The following INSR variants were observed in gnomAD, a reference collection of about 807,000 sequenced individuals.
The protein encoded by INSR is IR.
INSR carries 67 observed loss-of-function variants against 142.6 expected under a neutral mutation model. The observed-to-expected ratio is 0.47, with a 90% CI of 0.39 to 0.58. The LOEUF (loss-of-function observed/expected upper bound fraction) is 0.58, where lower values mean the gene tolerates loss of function less well. Ranked by LOEUF, INSR falls within the 20% of genes least tolerant of loss-of-function variation. The probability of loss-of-function intolerance (pLI) is 0.00; values close to 1 mark genes in which losing one functional copy is unlikely to be tolerated. For missense variants in INSR, 1,248 were observed against 1,833.2 expected, an observed-to-expected ratio of 0.68 and a Z score of 5.83; for synonymous variants, 756 against 743.1, an observed-to-expected ratio of 1.02 and a Z score of -0.28.
At chr19:7,141,103 T>C (rs1014459221) in intron 13 of INSR, among the ~76,000 whole-genome samples, 4 of 152,138 alleles carry the variant, frequency 2.6e-5, no homozygotes, top group African/African-American at 9.7e-5. Context: ...AGCGCAATGG[T>C]GCAATCTCTG....
At chr19:7,207,581 C>CA (rs59695609) in intron 2 of INSR, among the ~76,000 whole-genome samples, 58,605 of 150,524 alleles carry the variant, frequency 0.39, 11,486 homozygotes, top group East Asian at 0.44. Context: ...GCAACCATCT[C>CA]AAAAAACAAC....
At chr19:7,175,207 T>C (rs951449314) in intron 3 of INSR, among the ~76,000 whole-genome samples, 1 of 152,042 alleles carries the variant, frequency 6.6e-6, no homozygotes, top group African/African-American at 2.4e-5. Flanking sequence ...ACATATCGCT[T>C]GATTGTTAAA....
At chr19:7,244,701 G>A (rs1976476045) in intron 2 of INSR, among the ~76,000 whole-genome samples, 1 of 152,018 alleles carries the variant, frequency 6.6e-6, no homozygotes, top group African/African-American at 2.4e-5. Context: ...AGACATTTCT[G>A]TTACATTAAG....
intron 9 of INSR, among the ~76,000 whole-genome samples, chr19:7,161,297 T>C (rs112394669): frequency 0.12 from 17,591 of 151,846 alleles, 1,251 homozygotes; most frequent in Non-Finnish European, 0.17. Context: ...TCTCGCTCTG[T>C]CACCCAGGCT....
At chr19:7,127,519 C>CATTAT (rs1028439153) in intron 15 of INSR, among the ~76,000 whole-genome samples, 1 of 152,164 alleles carries the variant, frequency 6.6e-6, no homozygotes, top group Non-Finnish European at 1.5e-5. Flanking sequence ...AGGTTATTTA[C>CATTAT]ATTATATCAT....
intron 2 of INSR, among the ~76,000 whole-genome samples, chr19:7,245,587 TA>T (rs1568214783): frequency 6.6e-6 from 1 of 152,154 alleles, no homozygotes; most frequent in East Asian, 1.9e-4. Context: ...TAGCTGGGAC[TA>T]CAGGCATGTG....
chr19:7,221,343 G>A (rs974497678), intron 2 of INSR, among the ~76,000 whole-genome samples: 5 of 149,076 alleles, frequency 3.4e-5, no homozygotes, highest in Admixed American at 6.8e-5. Context: ...CACTGCACTC[G>A]AGCCTGGGCA....
intron 8 of INSR, among the ~76,000 whole-genome samples, chr19:7,164,931 C>A (rs1277074272): frequency 6.6e-6 from 1 of 151,096 alleles, no homozygotes; most frequent in Non-Finnish European, 1.5e-5. Flanking sequence ...GAGATTGAGA[C>A]CATCCTGGCC....
rs183515885 is a variant in INSR at position 7,253,440 on chromosome 19, G to A, written c.652+13905C>T. Among the ~76,000 whole-genome samples, 45 of 151,654 alleles carry A rather than the reference G, an allele frequency of 3.0e-4. No homozygotes were observed. The East Asian group carries it at 8.2e-3, about 28-fold the overall frequency. On this transcript the variant is annotated intron_variant, in intron 2 of 21. Transcript: ENST00000302850. The stretch of plus-strand genomic sequence containing the variant: ...TTTAGTAGAGACGGGGTTTCACCAC[G>A]TTGGCCAGGCTGGTCTCGAACTCCT...
rs1555693269 is a variant in INSR at position 7,292,477 on chromosome 19, G to GGGC, written c.100+1314_100+1315insGCC. ...GGCACCTGGGGGCGGGGCTGGGGGG[G>GGGC]GGTGGGCCCGGGGCTTTTAGACATT... On this transcript the variant is annotated intron_variant, in intron 1 of 21. Coordinates refer to ENST00000302850, the MANE Select transcript of INSR (RefSeq NM_000208.4). 1.3e-4 allele frequency among the ~76,000 whole-genome samples: 19 copies of GGGC among 150,030 alleles called. 1 individual carries two copies. Among genetic ancestry groups the GGGC allele is most frequent in the African/African-American group, 2.4e-4 (10 of 41,106 alleles).
Position 7,150,382 on chromosome 19 carries a change from G to C in INSR, c.2267+115C>G. The C allele has an allele frequency of 4.6e-6, 4 of 878,142 alleles. No homozygotes were observed. The highest frequency in any genetic ancestry group is 7.5e-6 in the Non-Finnish European group (4 of 534,614). The allele number at this position is 878,142 out of a possible 1,614,324, so 54.4% of individuals were successfully genotyped here. A position where few individuals can be genotyped will look rare whatever the true frequency, so the allele number is the denominator to read the frequency against. On this transcript the variant is annotated intron_variant, in intron 11 of 21. Coordinates refer to ENST00000302850, the MANE Select transcript of INSR (RefSeq NM_000208.4). This position sits in a 1 kb window ranked among gnomAD's most constrained non-coding sequence, Gnocchi z 4.2. ...GGTGAAGCATCTGCTCTCCAGCACA[G>C]CTGCCCGCCGCATGCAAAAAGCCAC... is the stretch of plus-strand genomic sequence containing the variant.
At chr19:7,222,675 G>A (rs534084734) in intron 2 of INSR, among the ~76,000 whole-genome samples, 1 of 152,182 alleles carries the variant, frequency 6.6e-6, no homozygotes, top group African/African-American at 2.4e-5. Flanking sequence ...TTACAGGCAT[G>A]AGCCACGGTG....
intron 1 of INSR, 77 bp downstream of exon 1, chr19:7,293,715 G>A: frequency 8.3e-7 from 1 of 1,201,482 alleles, no homozygotes. Context: ...TCCACAAGCG[G>A]GGGCTCGATT....
At position 7,163,925 on chromosome 19, in the gene INSR, T is replaced by TAAAAAAAAAAAAAAA. The variant is rs748862314; in HGVS notation, c.1862-741_1862-727dup. ...CAACATGGTGAAACCCTATCTCTAC[T>TAAAAAAAAAAAAAAA]AAAAAAAAAAAAAAAAAAAAAAAAT... On this transcript the variant is annotated intron_variant, in intron 8 of 21. Transcript: ENST00000302850. 2.1e-3 allele frequency among the ~76,000 whole-genome samples: 94 copies of TAAAAAAAAAAAAAAA among 44,574 alleles called. 6 individuals carry two copies. Among genetic ancestry groups the TAAAAAAAAAAAAAAA allele is most frequent in the Admixed American group, 2.3e-3 (8 of 3,408 alleles). The allele number at this position is 44,574 out of a possible 152,430, so 29.2% of individuals were successfully genotyped here. A position where few individuals can be genotyped will look rare whatever the true frequency, so the allele number is the denominator to read the frequency against.
chr19:7,270,488 A>C (rs1218537619), intron 1 of INSR, among the ~76,000 whole-genome samples: 2 of 152,108 alleles, frequency 1.3e-5, no homozygotes, highest in Non-Finnish European at 2.9e-5. Flanking sequence ...ACAGTGGCTC[A>C]TGCCTGTAAT....
chr19:7,196,480 A>G (rs1231707216), intron 2 of INSR, among the ~76,000 whole-genome samples: 2 of 152,222 alleles, frequency 1.3e-5, no homozygotes, highest in Non-Finnish European at 2.9e-5. Flanking sequence ...TGTCCAAAGC[A>G]AGGTTAAAAG....
chr19:7,222,868 A>G (rs1387698282), intron 2 of INSR, among the ~76,000 whole-genome samples: 4 of 152,094 alleles, frequency 2.6e-5, no homozygotes, highest in African/African-American at 9.7e-5. Flanking sequence ...AAAAAAGGCA[A>G]AGAGGGAGGC....
intron 5 of INSR, 74 bp from the exon 6 acceptor site, chr19:7,170,825 C>T (rs573082134): frequency 4.1e-5 from 48 of 1,176,622 alleles, no homozygotes; most frequent in Admixed American, 1.2e-4. Flanking sequence ...TGGCCATGCT[C>T]GGAGTTGATC....
At chr19:7,259,962 A>G (rs1020015412) in intron 2 of INSR, among the ~76,000 whole-genome samples, 2 of 152,158 alleles carry the variant, frequency 1.3e-5, no homozygotes, top group Non-Finnish European at 2.9e-5. Context: ...CCACATAGCA[A>G]GACTCCCATC....
Sources: allele counts gnomAD v4.1 joint callset (sites outside exome capture counted in the v4.1 genomes callset), GRCh38; gene constraint gnomAD v4.1.1; non-coding constraint Gnocchi (gnomAD v3.1); transcripts MANE v1.5; gene names NCBI Gene and HGNC (gene_info 2026-07-23, HGNC 2026-07-21).